Variants in ARHGAP15 observed in about 807,000 individuals in gnomAD.
ARHGAP15 encodes the protein rho GTPase-activating protein 15.
Under a neutral mutation model 63.7 loss-of-function variants are expected in ARHGAP15, and 51 were observed. The ratio of observed to expected loss-of-function variants is 0.80; its 90% CI spans 0.64 to 1.01. The LOEUF is 1.01. Among genes scored for constraint, ARHGAP15 ranks in the 50% least tolerant of loss-of-function variants. The pLI is 0.00. For missense variants in ARHGAP15, 560 were observed against 564.6 expected, an observed-to-expected ratio of 0.99 and a Z score of 0.08; for synonymous variants, 191 against 193.8, an observed-to-expected ratio of 0.99 and a Z score of 0.12.
At chr2:143,651,973 C>T (rs1681188938) in intron 12 of ARHGAP15, among the ~76,000 whole-genome samples, 1 of 151,918 alleles carries the variant, frequency 6.6e-6, no homozygotes, top group African/African-American at 2.4e-5. Flanking sequence ...AAATACCATC[C>T]TTTCTCTTTT....
chr2:143,488,650 A>T (rs1446250304), intron 9 of ARHGAP15, among the ~76,000 whole-genome samples: 2 of 152,232 alleles, frequency 1.3e-5, no homozygotes, highest in African/African-American at 4.8e-5. Flanking sequence ...AAGAGGGCAA[A>T]GCAGATCCTA....
At chr2:143,674,994 G>A (rs966694175) in intron 12 of ARHGAP15, among the ~76,000 whole-genome samples, 2 of 152,162 alleles carry the variant, frequency 1.3e-5, no homozygotes, top group Admixed American at 1.3e-4. Context: ...GTGCAGTGCC[G>A]CTTGATAGCA....
At chr2:143,381,506 T>C (rs1183438523) in intron 6 of ARHGAP15, among the ~76,000 whole-genome samples, 11 of 152,122 alleles carry the variant, frequency 7.2e-5, no homozygotes, top group Admixed American at 7.2e-4. Context: ...GAAAAATAAA[T>C]CTCTTATATT....
At chr2:143,720,122 T>C (rs1017074108) in intron 13 of ARHGAP15, among the ~76,000 whole-genome samples, 7 of 152,126 alleles carry the variant, frequency 4.6e-5, no homozygotes, top group African/African-American at 1.4e-4. Flanking sequence ...GTATGTAGGA[T>C]TGTGGATACT....
intron 8 of ARHGAP15, among the ~76,000 whole-genome samples, chr2:143,463,564 T>A (rs1314819175): frequency 1.3e-5 from 2 of 151,800 alleles, no homozygotes; most frequent in Non-Finnish European, 2.9e-5. Context: ...GGAAGATGTC[T>A]TATAGATAGG....
intron 6 of ARHGAP15, among the ~76,000 whole-genome samples, chr2:143,260,863 C>G (rs1205810783): frequency 1.3e-5 from 2 of 152,128 alleles, no homozygotes; most frequent in Non-Finnish European, 2.9e-5. Flanking sequence ...CCTCTGTTCT[C>G]CATTCTACTC....
chr2:143,317,041 CCTCT>C (rs137938747), intron 6 of ARHGAP15, among the ~76,000 whole-genome samples: 3 of 151,272 alleles, frequency 2.0e-5, no homozygotes, highest in African/African-American at 7.3e-5. Context: ...CCTGTCTATC[CCTCT>C]CTCTCTCTCT....
chr2:143,633,118 T>A (rs1680133594), intron 12 of ARHGAP15, among the ~76,000 whole-genome samples: 1 of 152,156 alleles, frequency 6.6e-6, no homozygotes, highest in Non-Finnish European at 1.5e-5. Context: ...ACAAAGCCTG[T>A]TTTTTTAGTT....
rs540441135 is a variant in ARHGAP15 at position 143,245,287 on chromosome 2, G to A, written c.385-5224G>A. On this transcript the variant is annotated intron_variant, in intron 5 of 13. Coordinates refer to ENST00000295095, the MANE Select transcript of ARHGAP15 (RefSeq NM_018460.4). Reference sequence around the variant, plus strand: ...GAGGACTCAGTGGAAGAAACTGAAAGGGAAGAGTATAAAAGGTGAAATGCT... The same window carrying A: ...GAGGACTCAGTGGAAGAAACTGAAAAGGAAGAGTATAAAAGGTGAAATGCT... Among the ~76,000 whole-genome samples the A allele has an allele frequency of 2.0e-5, 3 of 152,282 alleles. No homozygotes were observed. The East Asian group carries it at 5.8e-4, about 29-fold the overall frequency.
intron 6 of ARHGAP15, among the ~76,000 whole-genome samples, chr2:143,346,473 A>G (rs531320401): frequency 6.6e-6 from 1 of 152,170 alleles, no homozygotes; most frequent in South Asian, 2.1e-4. Flanking sequence ...TGAATTGGAT[A>G]TGTTATGTCC....
chr2:143,549,925 G>T (rs945553578), intron 10 of ARHGAP15, among the ~76,000 whole-genome samples: 6 of 152,116 alleles, frequency 3.9e-5, no homozygotes, highest in Admixed American at 3.3e-4. Context: ...GAGGGAGAGA[G>T]TTGGACACAT....
At chr2:143,238,047 A>G (rs903633030) in intron 5 of ARHGAP15, 5 of 152,114 alleles carry the variant, frequency 3.3e-5, no homozygotes, top group Admixed American at 6.5e-5. Context: ...TTTTCTGCAT[A>G]TGGTTACCCA....
chr2:143,411,832 G>A (rs1688458346), intron 6 of ARHGAP15, among the ~76,000 whole-genome samples: 1 of 152,174 alleles, frequency 6.6e-6, no homozygotes, highest in Admixed American at 6.5e-5. Flanking sequence ...CAAGTAGTGA[G>A]AAAGTATATA....
At chr2:143,188,623 AT>A (rs1691540551) in intron 2 of ARHGAP15, among the ~76,000 whole-genome samples, 1 of 121,782 alleles carries the variant, frequency 8.2e-6, no homozygotes, top group African/African-American at 3.5e-5. Context: ...CATTATTATT[AT>A]TATTATTATT....
intron 6 of ARHGAP15, among the ~76,000 whole-genome samples, chr2:143,262,767 C>T (rs1442861320): frequency 1.3e-5 from 2 of 152,042 alleles, no homozygotes; most frequent in African/African-American, 2.4e-5. Flanking sequence ...TTGTACACAT[C>T]ATGAGTATCC....
At chr2:143,559,796 GC>G (rs1393118781) in intron 11 of ARHGAP15, among the ~76,000 whole-genome samples, 1 of 152,190 alleles carries the variant, frequency 6.6e-6, no homozygotes, top group Non-Finnish European at 1.5e-5. Flanking sequence ...AACTGGCAAT[GC>G]AGGGAAAATT....
intron 12 of ARHGAP15, among the ~76,000 whole-genome samples, chr2:143,668,726 C>G (rs1419580694): frequency 6.6e-6 from 1 of 152,174 alleles, no homozygotes; most frequent in Non-Finnish European, 1.5e-5. Flanking sequence ...TGGTTCAAAT[C>G]ACTCTTATTG....
intron 2 of ARHGAP15, among the ~76,000 whole-genome samples, chr2:143,201,405 G>A (rs910296743): frequency 3.3e-5 from 5 of 151,880 alleles, no homozygotes; most frequent in African/African-American, 1.2e-4. Flanking sequence ...ATATATGTAC[G>A]GGGTAGTGTG....
chr2:143,633,641 G>A (rs1176717088), intron 12 of ARHGAP15, among the ~76,000 whole-genome samples: 1 of 152,100 alleles, frequency 6.6e-6, no homozygotes, highest in Non-Finnish European at 1.5e-5. Context: ...AGCTTCCCTA[G>A]CATCCTTACT....
Sources: allele counts gnomAD v4.1 joint callset (sites outside exome capture counted in the v4.1 genomes callset), GRCh38; gene constraint gnomAD v4.1.1; transcripts MANE v1.5; gene names NCBI Gene and HGNC (gene_info 2026-07-23, HGNC 2026-07-21).